The following SETX variants were observed in gnomAD, a reference collection of about 807,000 sequenced individuals.
SETX encodes the protein helicase senataxin.
SETX carries 90 observed loss-of-function variants against 227.2 expected under a neutral mutation model. The ratio of observed to expected loss-of-function variants is 0.40; its 90% CI spans 0.33 to 0.47. The LOEUF (loss-of-function observed/expected upper bound fraction) is 0.47, where lower values mean the gene tolerates loss of function less well. Ranked by LOEUF, SETX falls within the 20% of genes least tolerant of loss-of-function variation. The pLI, the probability that SETX is intolerant of heterozygous loss-of-function variation, is 0.91. For missense variants in SETX, 3,052 were observed against 3,181.5 expected (o/e 0.96, Z 0.98); for synonymous variants, 1,210 against 1,113.2 (o/e 1.09, Z -1.73).
At chr9:132,283,243 T>C in intron 19 of SETX, 21 bp downstream of exon 19, 2 of 1,613,904 alleles carry the variant, frequency 1.2e-6, no homozygotes, top group Non-Finnish European at 1.7e-6. Context: ...GTCAAAGTTG[T>C]ATGGCTGACC....
intron 5 of SETX, among the ~76,000 whole-genome samples, chr9:132,337,857 T>C (rs541337664): frequency 3.1e-4 from 47 of 152,320 alleles, no homozygotes; most frequent in African/African-American, 1.1e-3. Flanking sequence ...AGTATTTACA[T>C]GGTCTTAAAG....
rs1158190726 is a variant in SETX at position 132,322,713 on chromosome 9, C to A, written c.5274+3611G>T. ...CTGTTCTTAAATGTGAGTAGACCAC[C>A]AGAAATCATTACCACCTGAAAAAAG... On this transcript the variant is annotated intron_variant, in intron 10 of 25. Transcript: ENST00000224140. Among the ~76,000 whole-genome samples the A allele has an allele frequency of 2.0e-5, 3 of 152,160 alleles. No homozygotes were observed. The East Asian group carries it at 5.8e-4, about 29-fold the overall frequency.
chr9:132,324,673 A>G (rs1450395180), intron 10 of SETX, among the ~76,000 whole-genome samples: 5 of 152,176 alleles, frequency 3.3e-5, no homozygotes. Context: ...GAGAGCAGAG[A>G]CCTCACACCT....
At chr9:132,333,831 A>ACTCTATCCT (rs1847423246) in intron 7 of SETX, among the ~76,000 whole-genome samples, 2 of 152,376 alleles carry the variant, frequency 1.3e-5, no homozygotes, top group South Asian at 4.1e-4. Flanking sequence ...AGTACAGGAT[A>ACTCTATCCT]GAGTACAGGC....
Position 132,281,589 on chromosome 9 carries a change from GAAGA to G in SETX, c.6547-19_6547-16del, listed in dbSNP as rs1843514483. On this transcript the variant is annotated splice_polypyrimidine_tract_variant and intron_variant, in intron 19 of 25. Coordinates refer to ENST00000224140, the MANE Select transcript of SETX (RefSeq NM_015046.7). ...GACTGTCCAGCCTTGGTAAGATACA[GAAGA>G]GAGAGGCAGTCTTAACAATCTTTGC... The G allele has an allele frequency of 1.4e-5, 21 of 1,532,650 alleles. No homozygotes were observed. The highest frequency in any genetic ancestry group is 1.7e-5 in the Admixed American group (1 of 59,908). The allele number at this position is 1,532,650 out of a possible 1,614,324, so 94.9% of individuals were successfully genotyped here.
In SETX at chr9:132,317,246, G is replaced by A. The variant is rs117639802; in HGVS notation, c.5275-5390C>T. Among the ~76,000 whole-genome samples, 88 of 152,144 alleles carry A rather than the reference G, an allele frequency of 5.8e-4. 2 individuals carry two copies. In the East Asian group the frequency reaches 0.017, roughly 29 times the overall value. ...TTCCTAACTGGCTACTGCTGCCACA[G>A]GGACACTACGTATTTTTTTGCACAT... On this transcript the variant is annotated intron_variant, in intron 10 of 25. Coordinates refer to ENST00000224140, the MANE Select transcript of SETX (RefSeq NM_015046.7).
At position 132,328,659 on chromosome 9, in the gene SETX, G is replaced by A. The variant is rs1428257941; in HGVS notation, c.2939C>T (p.Ser980Leu). 2 of 1,613,076 alleles carry A rather than the reference G, an allele frequency of 1.2e-6. No homozygotes were observed. The highest frequency in any genetic ancestry group is 1.7e-6 in the Non-Finnish European group (2 of 1,179,608). Reference protein sequence around the residue: ...QASVITFPSDSPQNSSQLQRK... With the variant: ...QASVITFPSDLPQNSSQLQRK... Reference sequence around the variant, plus strand: ...TTGCAGCTGCGATGAGTTCTGAGGTGAATCGGATGGGAACGTAATAACACT... The same window carrying A: ...TTGCAGCTGCGATGAGTTCTGAGGTAAATCGGATGGGAACGTAATAACACT... The change falls in exon 10 of 26, where the codon TCA becomes TTA. Residue 980 changes from serine to leucine, a missense_variant. By Grantham distance (145) the Ser-to-Leu change is moderately radical (BLOSUM62 -2). Coordinates refer to ENST00000224140, the MANE Select transcript of SETX (RefSeq NM_015046.7).
intron 12 of SETX, among the ~76,000 whole-genome samples, chr9:132,299,508 ACATGGTACAC>A (rs941889518): frequency 2.0e-5 from 3 of 152,222 alleles, no homozygotes; most frequent in African/African-American, 7.2e-5. Flanking sequence ...ACACAAATAA[ACATGGTACAC>A]CTGTTATAAT....
Position 132,296,673 on chromosome 9 carries a change from T to C in SETX, c.5949+214A>G, listed in dbSNP as rs1304385023. ...CCATCATTCTAGTCCTTACGATTTG[T>C]TTCACATAAGATAGTGGTTTTTTCC... On this transcript the variant is annotated intron_variant, in intron 14 of 25. Coordinates refer to ENST00000224140, the MANE Select transcript of SETX (RefSeq NM_015046.7). Among the ~76,000 whole-genome samples, 3 of 152,290 alleles carry C rather than the reference T, an allele frequency of 2.0e-5. No individual in the cohort carries two copies. The East Asian group carries it at 5.8e-4, about 29-fold the overall frequency.
rs1048250177 is a variant in SETX, at chr9:132,274,544, C to T, written c.7100+712G>A. ...GCAGCCTCCGCCTCCTGGGTTCAAG[C>T]GATTTACCTACCTCAGCCTTCCGAG... On this transcript the variant is annotated intron_variant, in intron 23 of 25. Coordinates refer to ENST00000224140, the MANE Select transcript of SETX (RefSeq NM_015046.7). 5.3e-5 allele frequency among the ~76,000 whole-genome samples: 8 copies of T among 151,142 alleles called. No individual in the cohort carries two copies. The East Asian group carries it at 9.7e-4, about 18-fold the overall frequency.
intron 2 of SETX, 60 bp from the exon 3 acceptor site, chr9:132,349,495 G>T: frequency 6.6e-7 from 1 of 1,525,482 alleles, no homozygotes; most frequent in South Asian, 1.1e-5. Context: ...TGTGTGTCAA[G>T]AATAGGTACA....
chr9:132,321,658 AAAAAAAAAAAAAAAACTAC>A (rs1359284548), intron 10 of SETX, among the ~76,000 whole-genome samples: 1 of 145,558 alleles, frequency 6.9e-6, no homozygotes, highest in East Asian at 2.0e-4. Flanking sequence ...CTGTCTCAAA[AAAAAAAAAAAAAAAACTAC>A]AAAAAAAAAA....
At chr9:132,331,188 A>T (rs1302243523) in intron 8 of SETX, 49 bp from the exon 9 acceptor site, 5 of 1,608,082 alleles carry the variant, frequency 3.1e-6, no homozygotes, top group Non-Finnish European at 4.3e-6. Flanking sequence ...GGGGGAAAAA[A>T]AGGAAGAAAC....
intron 5 of SETX, among the ~76,000 whole-genome samples, chr9:132,339,149 C>T (rs1240009226): frequency 6.6e-6 from 1 of 152,058 alleles, no homozygotes; most frequent in African/African-American, 2.4e-5. Context: ...TAGTCAAGTT[C>T]ATCAACTTTC....
chr9:132,351,481 C>A (rs184347379), intron 2 of SETX, among the ~76,000 whole-genome samples: 18 of 152,278 alleles, frequency 1.2e-4, no homozygotes, highest in Admixed American at 1.1e-3. Flanking sequence ...CCTATTTCCA[C>A]AACCAAAAAA....
At chr9:132,285,759 A>G (rs1193086623) in intron 18 of SETX, among the ~76,000 whole-genome samples, 1 of 151,268 alleles carries the variant, frequency 6.6e-6, no homozygotes, top group African/African-American at 2.5e-5. Context: ...GCACACCTGT[A>G]GTCCCAGCTA....
chr9:132,263,333 C>G lies in SETX; in HGVS notation c.*906G>C, dbSNP rs1043967839. On this transcript the variant is annotated 3_prime_UTR_variant, in exon 26 of 26. Transcript: ENST00000224140. Reference sequence around the variant, plus strand: ...AAACTAGTTAGATCTGTCTGACAATCTGTAAGCTGAGGCGATTCTTCCACA... The same window carrying G: ...AAACTAGTTAGATCTGTCTGACAATGTGTAAGCTGAGGCGATTCTTCCACA... 4.6e-5 allele frequency: 7 copies of G among 152,232 alleles called. No homozygotes were observed. Among genetic ancestry groups the G allele is most frequent in the African/African-American group, 1.7e-4 (7 of 41,454 alleles). 9.4% of individuals were successfully genotyped at this position (152,232 alleles called of 1,614,324 possible).
intron 25 of SETX, among the ~76,000 whole-genome samples, chr9:132,267,895 C>T (rs541647205): frequency 6.6e-6 from 1 of 152,354 alleles, no homozygotes; most frequent in East Asian, 1.9e-4. Flanking sequence ...GACACATCAA[C>T]ACCATGAGGT....
chr9:132,286,078 G>A (rs1334570867), intron 18 of SETX, among the ~76,000 whole-genome samples: 1 of 151,400 alleles, frequency 6.6e-6, no homozygotes, highest in African/African-American at 2.4e-5. Context: ...AGCTACTCGG[G>A]AGGCTGAGGC....
Sources: allele counts gnomAD v4.1 joint callset (sites outside exome capture counted in the v4.1 genomes callset), GRCh38; gene constraint gnomAD v4.1.1; transcripts MANE v1.5; gene names NCBI Gene and HGNC (gene_info 2026-07-23, HGNC 2026-07-21).